PLK1: variants seen among roughly 807,000 people sequenced by gnomAD.
PLK1 encodes serine/threonine-protein kinase PLK1.
A neutral mutation model predicts 56.7 loss-of-function variants in PLK1; 6 were observed. That is an observed-to-expected ratio of 0.11 (90% CI 0.06 to 0.21). The LOEUF (loss-of-function observed/expected upper bound fraction) is 0.21, where lower values mean the gene tolerates loss of function less well. Ranked by LOEUF, PLK1 falls within the 10% of genes least tolerant of loss-of-function variation. PLK1 has a pLI of 1.00. For synonymous variants in PLK1, 298 were observed against 325.0 expected, an observed-to-expected ratio of 0.92 and a Z score of 0.89; for missense variants, 546 against 814.4, an observed-to-expected ratio of 0.67 and a Z score of 4.01.
rs763893393 is a variant in PLK1, at chr16:23,687,545, C to T, written c.1113C>T (p.Asp371=). 5.0e-6 allele frequency: 8 copies of T among 1,604,888 alleles called. No homozygotes were observed. The Admixed American group carries it at 1.2e-4, about 24-fold the overall frequency. ...TTCGAGAGACAGGTGAGGTGGTCGA[C>T]TGCCACCTCAGTGACATGCTGCAGC... ...PVVRETGEVV[D]CHLSDMLQQL... Residue 371 remains aspartate, a synonymous_variant, in exon 6 of 10, where the codon GAC becomes GAT. Transcript: ENST00000300093.
rs1307220033 is a variant in PLK1, at chr16:23,689,788, T to G, written c.1609-72T>G. On this transcript the variant is annotated intron_variant, in intron 9 of 9. Coordinates refer to ENST00000300093, the MANE Select transcript of PLK1 (RefSeq NM_005030.6). The surrounding 1 kb of genome is among the most constrained non-coding windows in gnomAD (Gnocchi z 4.8). ...AGCGGCTCAGGTACCTATAACCTGT[T>G]GTGTCTTCCCTCTACTCCCTAACAT... 1.3e-6 allele frequency: 2 copies of G among 1,532,064 alleles called. No homozygotes were observed. The highest frequency in any genetic ancestry group is 2.7e-5 in the African/African-American group (2 of 73,438). 94.9% of individuals were successfully genotyped at this position (1,532,064 alleles called of 1,614,324 possible). A position where few individuals can be genotyped will look rare whatever the true frequency, so the allele number is the denominator to read the frequency against.
At chr16:23,684,334 A>G (rs1724718630) in intron 5 of PLK1, among the ~76,000 whole-genome samples, 1 of 152,186 alleles carries the variant, frequency 6.6e-6, no homozygotes, top group Admixed American at 6.5e-5. Context: ...AGCCTGAAAA[A>G]TTCTTTCAAA....
At position 23,682,105 on chromosome 16, in the gene PLK1, G is replaced by A. The variant is rs1321541989; in HGVS notation, c.764G>A (p.Cys255Tyr). ...GGCAAACCACCTTTTGAGACTTCTT[G>A]CCTAAAAGAGACCTACCTCCGGATC... ...LVGKPPFETS[C>Y]LKETYLRIKK... The change falls in exon 4 of 10, where the codon TGC becomes TAC. Residue 255 changes from cysteine to tyrosine, a missense_variant. By Grantham distance (194) the Cys-to-Tyr change is radical. Coordinates refer to ENST00000300093, the MANE Select transcript of PLK1 (RefSeq NM_005030.6). 1.2e-6 allele frequency: 2 copies of A among 1,607,592 alleles called. No individual in the cohort carries two copies. The highest frequency in any genetic ancestry group is 4.5e-5 in the East Asian group (2 of 44,850).
At position 23,680,100 on chromosome 16, in the gene PLK1, A is replaced by AC; in HGVS notation, c.426dup (p.Lys143GlnfsTer8). ...CACCCACAGTCTCTCCTGGAGCTGC[A>AC]CAAGAGGAGGAAAGCCCTGACTGAG... On this transcript the variant is annotated frameshift_variant, in exon 2 of 10. Coordinates refer to ENST00000300093, the MANE Select transcript of PLK1 (RefSeq NM_005030.6). LOFTEE classifies it high-confidence loss of function. The AC allele has an allele frequency of 6.2e-7, 1 of 1,613,674 alleles. No individual in the cohort carries two copies. The highest frequency in any genetic ancestry group is 2.2e-5 in the East Asian group (1 of 44,850).
chr16:23,681,117 C>T (rs1959324902), intron 3 of PLK1, 59 bp downstream of exon 3: 4 of 1,496,936 alleles, frequency 2.7e-6, no homozygotes. Flanking sequence ...TTTGGGACAT[C>T]CTACCTGGCT....
Position 23,681,067 on chromosome 16 carries a change from G to C in PLK1, c.722+9G>C. 6.2e-7 allele frequency: 1 copy of C among 1,611,586 alleles called. No individual in the cohort carries two copies. Among genetic ancestry groups the C allele is most frequent in the Admixed American group, 1.7e-5 (1 of 59,684 alleles). On this transcript the variant is annotated intron_variant, in intron 3 of 9. Coordinates refer to ENST00000300093, the MANE Select transcript of PLK1 (RefSeq NM_005030.6). ...TCCATTGGGTGTATCATGTAAGTTG[G>C]GAGTTGTCTCTGGACCAACCTGGTC...
rs1959487095 is a variant in PLK1 at position 23,689,139 on chromosome 16, C to T, written c.1271-99C>T. The T allele has an allele frequency of 1.8e-6, 2 of 1,087,616 alleles. No individual in the cohort carries two copies. The highest frequency in any genetic ancestry group is 2.8e-6 in the Non-Finnish European group (2 of 724,088). The allele number at this position is 1,087,616 out of a possible 1,614,324, so 67.4% of individuals were successfully genotyped here. ...GCTCAAACAATCCTCCTCCCTCAGC[C>T]TCCCAAAGTGCTGGAATCACAGGCA... is the stretch of plus-strand genomic sequence containing the variant. On this transcript the variant is annotated intron_variant, in intron 7 of 9. Coordinates refer to ENST00000300093, the MANE Select transcript of PLK1 (RefSeq NM_005030.6). The surrounding 1 kb of genome is among the most constrained non-coding windows in gnomAD (Gnocchi z 4.8).
chr16:23,684,957 CTTTTTTTTTTTTTTTTTTTTTTTTTTT>C (rs71154221), intron 5 of PLK1, among the ~76,000 whole-genome samples: 3,514 of 57,002 alleles, frequency 0.062, 134 homozygotes, highest in Middle Eastern at 0.27. Flanking sequence ...CAGGCCCGGC[CTTTTTTTTTTTTTTTTTTTTTTTTTTT>C]TTTTTTTTTT....
chr16:23,679,080 C>G lies in PLK1; in HGVS notation c.148C>G (p.Arg50Gly), dbSNP rs764772076. ...IPEVLVDPRS[R>G]RRYVRGRFLG... ...GGAGGTCCTAGTGGACCCACGCAGC[C>G]GGCGGCGCTATGTGCGGGGCCGCTT... The change falls in exon 1 of 10, where the codon CGG (arginine) becomes GGG (glycine). Residue 50 changes from arginine (R) to glycine (G), a missense_variant. Arg to Gly is a moderately radical substitution (Grantham distance 125, BLOSUM62 -2). Coordinates refer to ENST00000300093, the MANE Select transcript of PLK1 (RefSeq NM_005030.6). 2.3e-5 allele frequency: 37 copies of G among 1,606,050 alleles called. No individual in the cohort carries two copies. Among genetic ancestry groups the G allele is most frequent in the Admixed American group, 8.4e-5 (5 of 59,764 alleles).
Position 23,687,522 on chromosome 16 carries a change from C to A in PLK1, c.1090C>A (p.Arg364=). Residue 364 remains arginine (R), a synonymous_variant, in exon 6 of 10, where the codon CGA becomes AGA. Coordinates refer to ENST00000300093, the MANE Select transcript of PLK1 (RefSeq NM_005030.6). ...RPREKEEPVV[R]ETGEVVDCHL... is the part of the protein sequence containing the mutation. ...CCGGGAAAAAGAAGAACCAGTGGTT[C>A]GAGAGACAGGTGAGGTGGTCGACTG... 1 of 1,601,820 alleles carries A rather than the reference C, an allele frequency of 6.2e-7. No homozygotes were observed. The highest frequency in any genetic ancestry group is 2.3e-5 in the East Asian group (1 of 44,204).
intron 4 of PLK1, 148 bp downstream of exon 4, chr16:23,682,305 A>G (rs1597134560): frequency 1.7e-6 from 1 of 581,446 alleles, no homozygotes; most frequent in East Asian, 2.8e-5. Context: ...GAAATTGCAT[A>G]CAGAACTTGA....
In PLK1 at chr16:23,680,904, T is replaced by A. The variant is rs753002004; in HGVS notation, c.578-10T>A. The A allele has an allele frequency of 6.2e-7, 1 of 1,605,296 alleles. No individual in the cohort carries two copies. Among genetic ancestry groups the A allele is most frequent in the South Asian group, 1.1e-5 (1 of 89,362 alleles). On this transcript the variant is annotated splice_polypyrimidine_tract_variant and intron_variant, in intron 2 of 9. Transcript: ENST00000300093. ...CATCTAAGTACCAACTCTTCCTCCC[T>A]CTGTCCCAGGGGATTTTGGACTGGC...
chr16:23,688,603 A>G (rs1959469241), intron 6 of PLK1, 65 bp from the exon 7 acceptor site: 5 of 1,262,150 alleles, frequency 4.0e-6, no homozygotes, highest in Admixed American at 1.7e-5. Context: ...TGTGGGCCAC[A>G]TGTGTGGAGC....
chr16:23,684,748 C>T (rs1183542782), intron 5 of PLK1, among the ~76,000 whole-genome samples: 4 of 152,044 alleles, frequency 2.6e-5, no homozygotes, highest in African/African-American at 2.4e-5. Flanking sequence ...AGCTCTGCCT[C>T]CCGGGTTCAC....
In PLK1 at chr16:23,684,075, C is replaced by G. The variant is rs1959385514; in HGVS notation, c.1022C>G (p.Thr341Arg). 6.2e-7 allele frequency: 1 copy of G among 1,613,792 alleles called. No homozygotes were observed. The highest frequency in any genetic ancestry group is 1.3e-5 in the African/African-American group (1 of 74,922). The stretch of plus-strand genomic sequence containing the variant: ...GACCCCAGCAACCGGAAGCCCCTCA[C>G]AGTCCTCAATAAAGGTACAACAAGG... ...SLDPSNRKPL[T>R]VLNKGLENPL... Residue 341 changes from threonine to arginine, a missense_variant, in exon 5 of 10, where the codon ACA becomes AGA. Physicochemically the swap from Thr to Arg is moderately conservative, Grantham distance 71. This residue lies in a region of PLK1 where 157 missense variants were observed against 184.0 expected (regional missense o/e 0.85). Coordinates refer to ENST00000300093, the MANE Select transcript of PLK1 (RefSeq NM_005030.6).
At chr16:23,684,502 C>G (rs1266420119) in intron 5 of PLK1, among the ~76,000 whole-genome samples, 1 of 152,008 alleles carries the variant, frequency 6.6e-6, no homozygotes, top group Non-Finnish European at 1.5e-5. Flanking sequence ...GTCAGGCATG[C>G]ACCACCATGC....
In PLK1 at chr16:23,680,170, G is replaced by C. The variant is rs1959308799; in HGVS notation, c.495G>C (p.Gln165His). Residue 165 changes from glutamine to histidine, a missense_variant, in exon 2 of 10, where the codon CAG becomes CAC. Physicochemically the swap from Gln to His is conservative, Grantham distance 24. This residue lies in a region of PLK1 where 111 missense variants were observed against 211.8 expected (regional missense o/e 0.52). Coordinates refer to ENST00000300093, the MANE Select transcript of PLK1 (RefSeq NM_005030.6). The stretch of plus-strand genomic sequence containing the variant: ...TACGGCAAATTGTGCTTGGCTGCCA[G>C]TACCTGCACCGAAACCGAGTTATTC... ...YYLRQIVLGC[Q>H]YLHRNRVIHR... The C allele has an allele frequency of 2.5e-6, 4 of 1,613,952 alleles. No homozygotes were observed. The East Asian group carries it at 8.9e-5, about 36-fold the overall frequency.
rs775897156 is a variant in PLK1, at chr16:23,689,626, G to A, written c.1558G>A (p.Ala520Thr). ...ACGGACCTGGTTCCGCACCCGCAGC[G>A]CCATCATCCTGCACCTCAGCAACGG... is the stretch of plus-strand genomic sequence containing the variant. The part of the protein sequence containing the change: ...YLRTWFRTRS[A>T]IILHLSNGSV... Residue 520 changes from alanine to threonine, a missense_variant, in exon 9 of 10, where the codon GCC becomes ACC. By Grantham distance (58) the Ala-to-Thr change is moderately conservative. This residue lies in a region of PLK1 where 113 missense variants were observed against 202.0 expected (regional missense o/e 0.56). Transcript: ENST00000300093. This position sits in a 1 kb window ranked among gnomAD's most constrained non-coding sequence, Gnocchi z 4.8. 1.1e-5 allele frequency: 17 copies of A among 1,612,322 alleles called. No homozygotes were observed. The highest frequency in any genetic ancestry group is 9.3e-6 in the Non-Finnish European group (11 of 1,179,730).
At chr16:23,688,828 C>A in intron 7 of PLK1, 83 bp downstream of exon 7, 1 of 934,818 alleles carries the variant, frequency 1.1e-6, no homozygotes, top group Non-Finnish European at 1.8e-6. Flanking sequence ...CCTTTTTGAG[C>A]TCCCAGGTAC....
Sources: gnomAD v4.1 joint callset for allele counts (sites outside exome capture counted in the v4.1 genomes callset) on GRCh38, gnomAD v4.1.1 for gene constraint, gnomAD v4.1.1 regional missense constraint, Gnocchi (gnomAD v3.1) non-coding constraint, MANE v1.5 for transcripts, NCBI Gene and HGNC (gene_info 2026-07-23, HGNC 2026-07-21) for gene names.